Variants in CREB5 observed in about 807,000 individuals in gnomAD.
CREB5 encodes the protein cAMP responsive element binding protein 5, also known as cyclic AMP-responsive element-binding protein 5.
CREB5 carries 19 observed loss-of-function variants against 57.1 expected under a neutral mutation model. The ratio of observed to expected loss-of-function variants is 0.33; its 90% CI spans 0.23 to 0.49. The LOEUF is 0.49. Among genes scored for constraint, CREB5 ranks in the 20% least tolerant of loss-of-function variants. The pLI is 0.99. For missense variants in CREB5, 579 were observed against 671.6 expected (o/e 0.86, Z 1.52); for synonymous variants, 238 against 238.3 (o/e 1.00, Z 0.01).
intron 5 of CREB5, among the ~76,000 whole-genome samples, chr7:28,629,054 C>G (rs901259811): frequency 5.9e-5 from 9 of 152,298 alleles, no homozygotes; most frequent in Admixed American, 5.9e-4. Flanking sequence ...GTGAGTTTAC[C>G]TCTTGCCACC....
chr7:28,812,925 T>A (rs1809209061), intron 9 of CREB5, among the ~76,000 whole-genome samples: 1 of 152,236 alleles, frequency 6.6e-6, no homozygotes, highest in Admixed American at 6.5e-5. Context: ...TGAGTTGTTT[T>A]CCAGCGTAGA....
intron 1 of CREB5, among the ~76,000 whole-genome samples, chr7:28,437,702 G>A (rs997973561): frequency 2.6e-5 from 4 of 152,010 alleles, no homozygotes; most frequent in African/African-American, 9.7e-5. Flanking sequence ...CTAAATAAAT[G>A]GAATTAGAAC....
chr7:28,798,666 T>G (rs778658474), intron 7 of CREB5, among the ~76,000 whole-genome samples: 1 of 152,136 alleles, frequency 6.6e-6, no homozygotes, highest in Non-Finnish European at 1.5e-5. Context: ...TGAAAATGAC[T>G]CCTTTTGACT....
intron 1 of CREB5, among the ~76,000 whole-genome samples, chr7:28,446,220 C>T (rs1270918619): frequency 1.3e-5 from 2 of 151,996 alleles, no homozygotes; most frequent in East Asian, 3.9e-4. Flanking sequence ...CCCCTCCCCT[C>T]CCCCACACTC....
chr7:28,432,089 C>T (rs867134722), intron 1 of CREB5, among the ~76,000 whole-genome samples: 45 of 151,614 alleles, frequency 3.0e-4, no homozygotes, highest in African/African-American at 9.0e-4. Flanking sequence ...AACCAAAAGC[C>T]GTGTTTGGGC....
intron 5 of CREB5, among the ~76,000 whole-genome samples, chr7:28,670,434 G>A (rs544957089): frequency 3.9e-5 from 6 of 152,186 alleles, no homozygotes; most frequent in South Asian, 2.1e-4. Context: ...CCTTTTAGTC[G>A]GTGATTTTAA....
intron 1 of CREB5, among the ~76,000 whole-genome samples, chr7:28,335,394 T>C (rs990630381): frequency 3.9e-5 from 6 of 152,126 alleles, no homozygotes; most frequent in African/African-American, 7.2e-5. Flanking sequence ...ATAGTTTTCA[T>C]TGTAGAGATA....
At chr7:28,327,602 T>C (rs539176311) in intron 1 of CREB5, among the ~76,000 whole-genome samples, 12 of 152,364 alleles carry the variant, frequency 7.9e-5, no homozygotes, top group African/African-American at 2.6e-4. Flanking sequence ...TCTCCCATAA[T>C]TGGGCATTTC....
At chr7:28,809,036 C>T (rs372723401) in intron 8 of CREB5, 151 bp from the exon 9 acceptor site, 4 of 646,216 alleles carry the variant, frequency 6.2e-6, no homozygotes, top group Admixed American at 3.1e-5. Flanking sequence ...GTGATTTCAT[C>T]GTCTGTTTCA....
chr7:28,641,475 T>C (rs1424978529), intron 5 of CREB5, among the ~76,000 whole-genome samples: 2 of 152,186 alleles, frequency 1.3e-5, no homozygotes, highest in African/African-American at 4.8e-5. Context: ...AGCAACTTTG[T>C]GGTGAGCTAA....
At chr7:28,582,273 T>G (rs1796148533) in intron 5 of CREB5, among the ~76,000 whole-genome samples, 1 of 152,202 alleles carries the variant, frequency 6.6e-6, no homozygotes, top group African/African-American at 2.4e-5. Flanking sequence ...TCTTGGAATT[T>G]AGGGGTAGAG....
At chr7:28,478,679 T>C (rs995525958) in intron 1 of CREB5, among the ~76,000 whole-genome samples, 3 of 151,958 alleles carry the variant, frequency 2.0e-5, no homozygotes, top group Non-Finnish European at 2.9e-5. Flanking sequence ...GGCATTGGAG[T>C]AGGAGATATA....
intron 1 of CREB5, among the ~76,000 whole-genome samples, chr7:28,319,425 A>G (rs1785447586): frequency 1.3e-5 from 2 of 152,182 alleles, no homozygotes; most frequent in Admixed American, 1.3e-4. Flanking sequence ...GGTAAAAGAG[A>G]GCAAAGGTGT....
intron 1 of CREB5, among the ~76,000 whole-genome samples, chr7:28,447,791 A>G (rs959919696): frequency 6.6e-6 from 1 of 152,184 alleles, no homozygotes. Context: ...AGCCCGTCTC[A>G]GGTATACCTC....
At position 28,737,284 on chromosome 7, in the gene CREB5, T is replaced by G. The variant is rs181009034; in HGVS notation, c.702+12952T>G. On this transcript the variant is annotated intron_variant, in intron 7 of 10. Transcript: ENST00000357727. Reference sequence around the variant, plus strand: ...CTCAGTTGGAATTAAGAATAAAATTTTTTGCTGTTGTTGTTCTTTTTAAGA... The same window carrying G: ...CTCAGTTGGAATTAAGAATAAAATTGTTTGCTGTTGTTGTTCTTTTTAAGA... Among the ~76,000 whole-genome samples, 540 of 151,850 alleles carry G rather than the reference T, an allele frequency of 3.6e-3. 1 individual carries two copies. Among genetic ancestry groups the G allele is most frequent in the African/African-American group, 0.013 (522 of 41,422 alleles).
chr7:28,818,535 G>A (rs927464699), intron 10 of CREB5, among the ~76,000 whole-genome samples: 59 of 152,312 alleles, frequency 3.9e-4, no homozygotes, highest in African/African-American at 1.3e-3. Flanking sequence ...TGGGAACCAG[G>A]CCTTGGGTGA....
chr7:28,457,824 G>A (rs890025214), intron 1 of CREB5, among the ~76,000 whole-genome samples: 2 of 152,166 alleles, frequency 1.3e-5, no homozygotes, highest in Non-Finnish European at 2.9e-5. Flanking sequence ...ATTGAGAAAA[G>A]GTTTAACCTG....
At chr7:28,674,385 A>G (rs1285014655) in intron 5 of CREB5, among the ~76,000 whole-genome samples, 2 of 152,202 alleles carry the variant, frequency 1.3e-5, no homozygotes, top group Admixed American at 6.5e-5. Flanking sequence ...TGACTGTTGT[A>G]CTGACATTGG....
intron 9 of CREB5, among the ~76,000 whole-genome samples, chr7:28,812,966 TGGAAAAACCA>T (rs1809212424): frequency 6.6e-6 from 1 of 152,176 alleles, no homozygotes; most frequent in South Asian, 2.1e-4. Flanking sequence ...CATTTCAGAT[TGGAAAAACCA>T]GACCTAAGAA....
Sources: gnomAD v4.1 joint callset for allele counts (sites outside exome capture counted in the v4.1 genomes callset) on GRCh38, gnomAD v4.1.1 for gene constraint, MANE v1.5 for transcripts, NCBI Gene and HGNC (gene_info 2026-07-23, HGNC 2026-07-21) for gene names.